The following ARHGAP15 variants were observed in gnomAD, a reference collection of about 807,000 sequenced individuals.
The protein encoded by ARHGAP15 is rho GTPase-activating protein 15.
A neutral mutation model predicts 63.7 loss-of-function variants in ARHGAP15; 51 were observed. The ratio of observed to expected loss-of-function variants is 0.80; its 90% CI spans 0.64 to 1.01. ARHGAP15 has a LOEUF of 1.01. Ranked by LOEUF, ARHGAP15 falls within the 50% of genes least tolerant of loss-of-function variation. ARHGAP15 has a pLI of 0.00. For missense variants in ARHGAP15, 560 were observed against 564.6 expected (o/e 0.99, Z 0.08); for synonymous variants, 191 against 193.8 (o/e 0.99, Z 0.12).
intron 6 of ARHGAP15, among the ~76,000 whole-genome samples, chr2:143,329,898 GC>G (rs1291187800): frequency 1.5e-5 from 2 of 134,904 alleles, no homozygotes; most frequent in Admixed American, 1.5e-4. Context: ...TAAGAAAATT[GC>G]CCCCCTGCCC....
chr2:143,728,757 C>G (rs938601150), intron 13 of ARHGAP15, among the ~76,000 whole-genome samples: 1 of 152,150 alleles, frequency 6.6e-6, no homozygotes, highest in Admixed American at 6.5e-5. Context: ...TCAGGGACCC[C>G]GGTCTAGAGG....
At chr2:143,571,121 C>T (rs114407648) in intron 11 of ARHGAP15, among the ~76,000 whole-genome samples, 12,643 of 152,154 alleles carry the variant, frequency 0.083, 736 homozygotes, top group South Asian at 0.21. Flanking sequence ...GAATCTAATG[C>T]CTAATGATCT....
At chr2:143,751,685 T>C in intron 13 of ARHGAP15, among the ~76,000 whole-genome samples, 1 of 152,138 alleles carries the variant, frequency 6.6e-6, no homozygotes, top group African/African-American at 2.4e-5. Flanking sequence ...TAATGTAATG[T>C]CCCAGACCCT....
chr2:143,221,344 T>C (rs1692991357), intron 4 of ARHGAP15, among the ~76,000 whole-genome samples: 1 of 152,146 alleles, frequency 6.6e-6, no homozygotes, highest in Non-Finnish European at 1.5e-5. Flanking sequence ...AAAGATAAAT[T>C]ATTGGCTATA....
intron 9 of ARHGAP15, among the ~76,000 whole-genome samples, chr2:143,491,800 TAGAC>T (rs1234597995): frequency 6.6e-6 from 1 of 152,182 alleles, no homozygotes; most frequent in East Asian, 1.9e-4. Context: ...TTATCAGTCT[TAGAC>T]AGTACTTTAG....
At chr2:143,643,415 T>G in intron 12 of ARHGAP15, among the ~76,000 whole-genome samples, 2 of 101,956 alleles carry the variant, frequency 2.0e-5, no homozygotes, top group Non-Finnish European at 2.3e-5. Flanking sequence ...GTGTGACACC[T>G]CCCCTCCACC....
In ARHGAP15 at chr2:143,606,053, AAAAAAAAAAAAAAAAAAG is replaced by A. The variant is rs1319520519; in HGVS notation, c.1004-18079_1004-18062del. Among the ~76,000 whole-genome samples the A allele has an allele frequency of 3.3e-4, 44 of 134,632 alleles. 1 individual carries two copies. Among genetic ancestry groups the A allele is most frequent in the African/African-American group, 9.4e-4 (34 of 36,284 alleles). 88.3% of individuals were successfully genotyped at this position (134,632 alleles called of 152,430 possible). A position where few individuals can be genotyped will look rare whatever the true frequency, so the allele number is the denominator to read the frequency against. ...TCTGTCTCAAAAAAAAAAAAAAAAAAAAAAAAAAAAAAAAAAAGCCATACATCTGTCTCTTTCGCTACC... is the reference window on the plus strand; with the variant it reads ...TCTGTCTCAAAAAAAAAAAAAAAAAACCATACATCTGTCTCTTTCGCTACC... On this transcript the variant is annotated intron_variant, in intron 11 of 13. Coordinates refer to ENST00000295095, the MANE Select transcript of ARHGAP15 (RefSeq NM_018460.4).
At chr2:143,268,627 G>T (rs1681116728) in intron 6 of ARHGAP15, among the ~76,000 whole-genome samples, 1 of 152,062 alleles carries the variant, frequency 6.6e-6, no homozygotes, top group Non-Finnish European at 1.5e-5. Flanking sequence ...AATGTAATTA[G>T]TTAAATTACC....
intron 6 of ARHGAP15, among the ~76,000 whole-genome samples, chr2:143,331,054 C>T (rs1367226278): frequency 6.6e-6 from 1 of 152,084 alleles, no homozygotes; most frequent in Non-Finnish European, 1.5e-5. Flanking sequence ...TTCAAAAGGA[C>T]AGAAGTCATA....
chr2:143,335,886 G>T (rs1323781582), intron 6 of ARHGAP15, among the ~76,000 whole-genome samples: 1 of 152,150 alleles, frequency 6.6e-6, no homozygotes, highest in Non-Finnish European at 1.5e-5. Flanking sequence ...GACAGGCACA[G>T]GTGTGGAGAA....
At chr2:143,716,582 A>G (rs983600410) in intron 13 of ARHGAP15, among the ~76,000 whole-genome samples, 3 of 152,194 alleles carry the variant, frequency 2.0e-5, no homozygotes, top group Non-Finnish European at 4.4e-5. Context: ...CTTGACTTAA[A>G]AAGCTTGCCC....
At chr2:143,692,212 G>T (rs1270468930) in intron 12 of ARHGAP15, among the ~76,000 whole-genome samples, 2 of 152,142 alleles carry the variant, frequency 1.3e-5, no homozygotes, top group East Asian at 1.9e-4. Flanking sequence ...GGGCAGGGGG[G>T]CAGGGAGGGT....
chr2:143,757,065 T>C (rs1686604678), intron 13 of ARHGAP15, among the ~76,000 whole-genome samples: 1 of 152,174 alleles, frequency 6.6e-6, no homozygotes, highest in South Asian at 2.1e-4. Context: ...GGATCAAATT[T>C]TCAGTCTTTC....
At chr2:143,253,217 TTGA>T (rs148729544) in intron 6 of ARHGAP15, among the ~76,000 whole-genome samples, 3,910 of 151,242 alleles carry the variant, frequency 0.026, 97 homozygotes, top group Non-Finnish European at 0.037. Context: ...TTTAAAAAGT[TTGA>T]TGGATTAGCA....
intron 6 of ARHGAP15, among the ~76,000 whole-genome samples, chr2:143,317,930 TTTTTG>T (rs148697199): frequency 0.049 from 7,523 of 152,064 alleles, 470 homozygotes; most frequent in Admixed American, 0.2. Flanking sequence ...TTGCATAGGG[TTTTTG>T]TTTTGTTTTG....
At chr2:143,462,059 C>T (rs1205808016) in intron 8 of ARHGAP15, among the ~76,000 whole-genome samples, 4 of 152,024 alleles carry the variant, frequency 2.6e-5, no homozygotes, top group African/African-American at 9.7e-5. Context: ...ACTCAGGAGG[C>T]TGAGGTGGGA....
chr2:143,558,892 C>G (rs1695914327), intron 11 of ARHGAP15, among the ~76,000 whole-genome samples: 1 of 152,164 alleles, frequency 6.6e-6, no homozygotes, highest in Non-Finnish European at 1.5e-5. Context: ...CTGAGAATCT[C>G]TACAGCTCTG....
chr2:143,367,743 TAGG>T (rs575170183), intron 6 of ARHGAP15, among the ~76,000 whole-genome samples: 2 of 152,074 alleles, frequency 1.3e-5, no homozygotes, highest in African/African-American at 4.8e-5. Flanking sequence ...CATGTGTTAT[TAGG>T]AGGGTTTATA....
At chr2:143,496,670 A>G (rs1180493509) in intron 9 of ARHGAP15, among the ~76,000 whole-genome samples, 1 of 152,204 alleles carries the variant, frequency 6.6e-6, no homozygotes, top group Non-Finnish European at 1.5e-5. Context: ...TTTAAATTAC[A>G]TTTCTTTCAC....
Sources: gnomAD v4.1 joint callset for allele counts (sites outside exome capture counted in the v4.1 genomes callset) on GRCh38, gnomAD v4.1.1 for gene constraint, MANE v1.5 for transcripts, NCBI Gene and HGNC (gene_info 2026-07-23, HGNC 2026-07-21) for gene names.